FHIT: variants seen among roughly 807,000 people sequenced by gnomAD.
FHIT encodes the protein fragile histidine triad diadenosine triphosphatase.
FHIT carries 19 observed loss-of-function variants against 17.9 expected under a neutral mutation model. The ratio of observed to expected loss-of-function variants is 1.06; its 90% CI spans 0.74 to 1.56. FHIT has a LOEUF of 1.56. Among genes scored for constraint, FHIT ranks in the 40% most tolerant of loss-of-function variants. FHIT has a pLI of 0.00. For synonymous variants in FHIT, 81 were observed against 69.7 expected (o/e 1.16, Z -0.81); for missense variants, 248 against 189.2 (o/e 1.31, Z -1.82).
chr3:60,144,005 G>T (rs78655294), intron 5 of FHIT, among the ~76,000 whole-genome samples: 1 of 152,142 alleles, frequency 6.6e-6, no homozygotes, highest in Non-Finnish European at 1.5e-5. Context: ...CATGAAAGTA[G>T]CCCATGTGTG....
chr3:61,177,959 A>G (rs2038209432), intron 2 of FHIT, among the ~76,000 whole-genome samples: 1 of 152,192 alleles, frequency 6.6e-6, no homozygotes, highest in African/African-American at 2.4e-5. Flanking sequence ...CTTCTGTAAA[A>G]ATAAAAATTA....
intron 8 of FHIT, among the ~76,000 whole-genome samples, chr3:59,871,123 G>T (rs1315856311): frequency 6.6e-6 from 1 of 152,116 alleles, no homozygotes; most frequent in African/African-American, 2.4e-5. Context: ...GACTGGCACT[G>T]ATCCTCCAGC....
At chr3:60,379,776 G>A (rs1700723290) in intron 5 of FHIT, among the ~76,000 whole-genome samples, 1 of 152,084 alleles carries the variant, frequency 6.6e-6, no homozygotes, top group Non-Finnish European at 1.5e-5. Flanking sequence ...CAGAACACCT[G>A]GTATAGGAAA....
chr3:59,984,321 G>A (rs144834719), intron 7 of FHIT, among the ~76,000 whole-genome samples: 122 of 151,960 alleles, frequency 8.0e-4, no homozygotes, highest in Non-Finnish European at 1.5e-3. Flanking sequence ...GTAAGACAGG[G>A]GAAAAAAGAA....
chr3:60,320,318 G>T (rs780421312), intron 5 of FHIT, among the ~76,000 whole-genome samples: 12 of 152,158 alleles, frequency 7.9e-5, no homozygotes, highest in Non-Finnish European at 1.8e-4. Flanking sequence ...CAGCGTTATT[G>T]TGACTAGGTG....
chr3:59,933,600 T>A (rs1706079669), intron 7 of FHIT, among the ~76,000 whole-genome samples: 1 of 152,138 alleles, frequency 6.6e-6, no homozygotes, highest in African/African-American at 2.4e-5. Context: ...TAATCTGTAT[T>A]TTGCTATGCT....
At chr3:60,638,951 C>T (rs570159798) in intron 4 of FHIT, among the ~76,000 whole-genome samples, 1 of 149,006 alleles carries the variant, frequency 6.7e-6, no homozygotes, top group Admixed American at 6.8e-5. Context: ...GAATGAATAA[C>T]TTCATACATC....
At chr3:60,070,110 T>C (rs1158459709) in intron 5 of FHIT, among the ~76,000 whole-genome samples, 2 of 152,102 alleles carry the variant, frequency 1.3e-5, no homozygotes, top group Admixed American at 1.3e-4. Flanking sequence ...AATGACCAAC[T>C]TGGTGGCCAC....
chr3:60,337,066 G>T (rs577726220), intron 5 of FHIT, among the ~76,000 whole-genome samples: 1 of 152,236 alleles, frequency 6.6e-6, no homozygotes, highest in South Asian at 2.1e-4. Flanking sequence ...CATTACTGAT[G>T]AATTATGGTT....
intron 3 of FHIT, among the ~76,000 whole-genome samples, chr3:60,955,608 A>ATATATATATACATATATATATATACG (rs1709088383): frequency 1.0e-4 from 1 of 9,672 alleles, no homozygotes; most frequent in Non-Finnish European, 3.3e-4. Flanking sequence ...ATATATATAT[A>ATATATATATACATATATATATATACG]TATATATATA....
intron 6 of FHIT, 26 bp from the exon 7 acceptor site, chr3:60,011,426 G>A (rs764724235): frequency 6.2e-7 from 1 of 1,603,386 alleles, no homozygotes; most frequent in South Asian, 1.1e-5. Flanking sequence ...AACCAACAGA[G>A]GTGAGAATAG....
intron 5 of FHIT, among the ~76,000 whole-genome samples, chr3:60,033,505 G>A (rs1701087627): frequency 6.6e-6 from 1 of 151,062 alleles, no homozygotes; most frequent in African/African-American, 2.4e-5. Flanking sequence ...AAAAAAAAAA[G>A]AGAGAAAGAA....
intron 4 of FHIT, among the ~76,000 whole-genome samples, chr3:60,746,677 G>A (rs2042363320): frequency 6.6e-6 from 1 of 152,132 alleles, no homozygotes; most frequent in Admixed American, 6.5e-5. Context: ...TCAGCTGGTG[G>A]AGGAGATAAA....
chr3:61,201,008 C>A (rs1188040831), intron 1 of FHIT, among the ~76,000 whole-genome samples: 1 of 152,134 alleles, frequency 6.6e-6, no homozygotes, highest in Non-Finnish European at 1.5e-5. Flanking sequence ...TCTGACTAAG[C>A]ATTTTATTTT....
At chr3:61,016,218 A>G (rs1272630009) in intron 3 of FHIT, among the ~76,000 whole-genome samples, 1 of 152,228 alleles carries the variant, frequency 6.6e-6, no homozygotes, top group Non-Finnish European at 1.5e-5. Flanking sequence ...TGGGCAGAAT[A>G]AAACCAGAGG....
At chr3:60,262,857 T>C (rs949500090) in intron 5 of FHIT, among the ~76,000 whole-genome samples, 21 of 143,686 alleles carry the variant, frequency 1.5e-4, no homozygotes, top group African/African-American at 5.1e-4. Flanking sequence ...GAAAAAAAGA[T>C]AAAAAAAAAA....
At chr3:60,895,884 C>G (rs1705792296) in intron 3 of FHIT, among the ~76,000 whole-genome samples, 1 of 151,184 alleles carries the variant, frequency 6.6e-6, no homozygotes. Flanking sequence ...CTTGTCCTTT[C>G]CCTGCTCTGA....
chr3:60,340,017 T>C (rs1366158916), intron 5 of FHIT, among the ~76,000 whole-genome samples: 2 of 152,312 alleles, frequency 1.3e-5, no homozygotes, highest in Non-Finnish European at 2.9e-5. Flanking sequence ...TGCAAACATG[T>C]CAAATTATGC....
intron 8 of FHIT, among the ~76,000 whole-genome samples, chr3:59,899,333 C>A (rs895919910): frequency 6.6e-6 from 1 of 152,194 alleles, no homozygotes; most frequent in Non-Finnish European, 1.5e-5. Flanking sequence ...GCTGACACAT[C>A]TGGAGTAGGG....
Sources: gnomAD v4.1 joint callset for allele counts (sites outside exome capture counted in the v4.1 genomes callset) on GRCh38, gnomAD v4.1.1 for gene constraint, MANE v1.5 for transcripts, NCBI Gene and HGNC (gene_info 2026-07-23, HGNC 2026-07-21) for gene names.